Variants in TEAD4 observed in about 807,000 individuals in gnomAD.
TEAD4 encodes the protein transcriptional enhancer factor TEF-3.
TEAD4 carries 36 observed loss-of-function variants against 52.4 expected under a neutral mutation model. The observed-to-expected ratio is 0.69, with a 90% CI of 0.53 to 0.91. The LOEUF (loss-of-function observed/expected upper bound fraction) is 0.91, where lower values mean the gene tolerates loss of function less well. TEAD4 is among the 40% of genes least tolerant of loss of function. TEAD4 has a pLI of 0.00. For missense variants in TEAD4, 508 were observed against 583.9 expected (o/e 0.87, Z 1.34); for synonymous variants, 220 against 231.0 (o/e 0.95, Z 0.43).
intron 5 of TEAD4, among the ~76,000 whole-genome samples, chr12:3,014,754 T>G (rs1296619446): frequency 1.3e-5 from 2 of 152,126 alleles, no homozygotes; most frequent in Non-Finnish European, 2.9e-5. Context: ...TCACTCCCCA[T>G]CGGGTCCTTC....
intron 2 of TEAD4, among the ~76,000 whole-genome samples, chr12:2,964,043 G>A (rs2098218107): frequency 6.6e-6 from 1 of 152,154 alleles, no homozygotes; most frequent in Non-Finnish European, 1.5e-5. Context: ...GTAGAGGGTT[G>A]GGGGCAGTGC....
intron 2 of TEAD4, among the ~76,000 whole-genome samples, chr12:2,977,962 C>T (rs1484955442): frequency 2.6e-5 from 4 of 152,194 alleles, no homozygotes; most frequent in South Asian, 2.1e-4. Context: ...CAGCCTGGCC[C>T]GGCCCAGCCC....
At chr12:3,035,637 C>G (rs1358774976) in intron 10 of TEAD4, among the ~76,000 whole-genome samples, 1 of 152,010 alleles carries the variant, frequency 6.6e-6, no homozygotes, top group Non-Finnish European at 1.5e-5. Context: ...GCCTAGGAAA[C>G]AGCGAGACCC....
At chr12:2,970,222 T>C (rs1407464588) in intron 2 of TEAD4, among the ~76,000 whole-genome samples, 2 of 152,254 alleles carry the variant, frequency 1.3e-5, no homozygotes, top group Non-Finnish European at 2.9e-5. Context: ...TAGTGTGTAT[T>C]GTACACTTAA....
intron 3 of TEAD4, among the ~76,000 whole-genome samples, chr12:3,004,237 G>A (rs1000313874): frequency 6.6e-6 from 1 of 152,222 alleles, no homozygotes; most frequent in Non-Finnish European, 1.5e-5. Flanking sequence ...CGTCCCTTGC[G>A]GAGGAAGCTC....
chr12:2,993,612 A>C (rs1479415493), intron 2 of TEAD4, among the ~76,000 whole-genome samples: 1 of 151,994 alleles, frequency 6.6e-6, no homozygotes, highest in Non-Finnish European at 1.5e-5. Context: ...CTGGGACTAT[A>C]GGTGCGAGCC....
intron 10 of TEAD4, among the ~76,000 whole-genome samples, chr12:3,028,968 A>G (rs55974949): frequency 0.041 from 6,229 of 152,032 alleles, 424 homozygotes; most frequent in African/African-American, 0.14. Context: ...GTTATTTTTT[A>G]TTATTGAATT....
chr12:2,991,389 T>C (rs956663648), intron 2 of TEAD4, among the ~76,000 whole-genome samples: 2 of 152,180 alleles, frequency 1.3e-5, no homozygotes, highest in Admixed American at 6.5e-5. Flanking sequence ...AGGCTGGGCA[T>C]GATGGCTCAC....
At chr12:3,038,753 G>A (rs947518700) in intron 11 of TEAD4, among the ~76,000 whole-genome samples, 2 of 152,180 alleles carry the variant, frequency 1.3e-5, no homozygotes, top group East Asian at 1.9e-4. Flanking sequence ...GCGTGTCTGG[G>A]GGGTTGTGAT....
intron 10 of TEAD4, 32 bp downstream of exon 10, chr12:3,022,049 A>C (rs777621806): frequency 1.9e-6 from 3 of 1,609,520 alleles, no homozygotes. Flanking sequence ...CTTTCCTGCC[A>C]CCAGCGTGTC....
At chr12:3,026,098 G>T (rs4766022) in intron 10 of TEAD4, among the ~76,000 whole-genome samples, 118,936 of 152,006 alleles carry the variant, frequency 0.78, 47,894 homozygotes, top group East Asian at 1. Flanking sequence ...TTTAGGAAAT[G>T]TACTCGTATT....
intron 2 of TEAD4, among the ~76,000 whole-genome samples, chr12:2,966,451 A>AC (rs1249521685): frequency 3.4e-5 from 5 of 145,856 alleles, no homozygotes; most frequent in African/African-American, 2.6e-5. Flanking sequence ...TTGCTCTGTC[A>AC]CCAGGCTGGA....
At chr12:2,991,912 G>A (rs1040757579) in intron 2 of TEAD4, among the ~76,000 whole-genome samples, 3 of 151,824 alleles carry the variant, frequency 2.0e-5, no homozygotes, top group East Asian at 1.9e-4. Context: ...CTCACTGCGC[G>A]ACCTTGGGCG....
At chr12:2,984,646 G>C (rs964745603) in intron 2 of TEAD4, among the ~76,000 whole-genome samples, 1 of 152,186 alleles carries the variant, frequency 6.6e-6, no homozygotes, top group South Asian at 2.1e-4. Context: ...CACCCAGGCT[G>C]TGTGGTACAA....
chr12:3,028,279 C>G (rs1013416956), intron 10 of TEAD4, among the ~76,000 whole-genome samples: 8 of 152,268 alleles, frequency 5.3e-5, no homozygotes, highest in Admixed American at 1.3e-4. Flanking sequence ...ACATTACGTA[C>G]CAGTGTTTGT....
At chr12:3,012,290 C>T (rs1190197662) in intron 5 of TEAD4, 58 bp downstream of exon 5, 3 of 1,576,054 alleles carry the variant, frequency 1.9e-6, no homozygotes, top group Non-Finnish European at 2.6e-6. Context: ...AGCAGCATAT[C>T]TTCCCTTTGG....
chr12:2,983,573 G>T (rs1250191411), intron 2 of TEAD4, among the ~76,000 whole-genome samples: 1 of 152,190 alleles, frequency 6.6e-6, no homozygotes, highest in Non-Finnish European at 1.5e-5. Flanking sequence ...GTAGTTGGTG[G>T]TAGAACTGGA....
intron 11 of TEAD4, among the ~76,000 whole-genome samples, 181 bp from the exon 12 acceptor site, chr12:3,039,926 A>T (rs1363178118): frequency 2.6e-5 from 4 of 152,208 alleles, no homozygotes; most frequent in East Asian, 1.9e-4. Context: ...ACCTCAGGTG[A>T]TCCGCCTGCC....
intron 10 of TEAD4, among the ~76,000 whole-genome samples, chr12:3,033,980 G>A (rs965581808): frequency 3.4e-4 from 52 of 151,390 alleles, no homozygotes; most frequent in Admixed American, 3.3e-3. Flanking sequence ...GTCGCCGGCT[G>A]GTGTGTTCCG....
Sources: gnomAD v4.1 joint callset for allele counts (sites outside exome capture counted in the v4.1 genomes callset) on GRCh38, gnomAD v4.1.1 for gene constraint, MANE v1.5 for transcripts, NCBI Gene and HGNC (gene_info 2026-07-23, HGNC 2026-07-21) for gene names.